Variants in ASIC2 observed in about 807,000 individuals in gnomAD.
The protein encoded by ASIC2 is acid sensing ion channel subunit 2.
Under a neutral mutation model 57.3 loss-of-function variants are expected in ASIC2, and 25 were observed. The observed-to-expected ratio is 0.44, with a 90% confidence interval of 0.32 to 0.61. The LOEUF (loss-of-function observed/expected upper bound fraction) is 0.61, where lower values mean the gene tolerates loss of function less well. Among genes scored for constraint, ASIC2 ranks in the 20% least tolerant of loss-of-function variants. ASIC2 has a pLI of 0.06. For missense variants in ASIC2, 641 were observed against 738.1 expected, an observed-to-expected ratio of 0.87 and a Z score of 1.52; for synonymous variants, 319 against 307.5, an observed-to-expected ratio of 1.04 and a Z score of -0.39.
chr17:33,930,707 G>T (rs938031991), intron 1 of ASIC2, among the ~76,000 whole-genome samples: 1 of 152,198 alleles, frequency 6.6e-6, no homozygotes, highest in South Asian at 2.1e-4. Flanking sequence ...GGGGTGTGTC[G>T]AAGTGAGCTT....
chr17:33,682,190 G>T (rs1276022000), intron 1 of ASIC2, among the ~76,000 whole-genome samples: 1 of 151,392 alleles, frequency 6.6e-6, no homozygotes, highest in African/African-American at 2.4e-5. Context: ...CTCCTGAATA[G>T]CTGGGACTAC....
chr17:33,177,891 A>T (rs1458960602), intron 1 of ASIC2, among the ~76,000 whole-genome samples: 1 of 152,178 alleles, frequency 6.6e-6, no homozygotes, highest in East Asian at 1.9e-4. Flanking sequence ...TCTGGAGACC[A>T]GTCTAGTTCC....
chr17:33,993,044 G>A (rs1240245844), intron 1 of ASIC2, among the ~76,000 whole-genome samples: 1 of 152,156 alleles, frequency 6.6e-6, no homozygotes, highest in Non-Finnish European at 1.5e-5. Flanking sequence ...TTGGATATCA[G>A]TATTTTCTAT....
chr17:33,326,216 C>T (rs1907070927), intron 1 of ASIC2, among the ~76,000 whole-genome samples: 1 of 152,132 alleles, frequency 6.6e-6, no homozygotes, highest in South Asian at 2.1e-4. Flanking sequence ...CAGTAAAACC[C>T]TATGAGGTAA....
intron 1 of ASIC2, among the ~76,000 whole-genome samples, chr17:33,493,415 G>A (rs1913822651): frequency 6.6e-6 from 1 of 152,144 alleles, no homozygotes; most frequent in South Asian, 2.1e-4. Flanking sequence ...CCCTGTCTTG[G>A]ATAACTATAG....
intron 1 of ASIC2, among the ~76,000 whole-genome samples, chr17:33,222,606 A>C (rs1165512656): frequency 6.6e-6 from 1 of 152,200 alleles, no homozygotes; most frequent in Non-Finnish European, 1.5e-5. Context: ...AATTAAGCAG[A>C]GCAATTGAGA....
chr17:33,492,288 T>A (rs1267103670), intron 1 of ASIC2, among the ~76,000 whole-genome samples: 1 of 152,202 alleles, frequency 6.6e-6, no homozygotes, highest in Non-Finnish European at 1.5e-5. Context: ...CAGGCCATGA[T>A]TGTTAAACTG....
chr17:33,684,607 T>A (rs1908122846), intron 1 of ASIC2, among the ~76,000 whole-genome samples: 1 of 152,186 alleles, frequency 6.6e-6, no homozygotes, highest in African/African-American at 2.4e-5. Context: ...TTGCAGAACA[T>A]CATGAAATAT....
chr17:34,134,133 TA>T (rs1912067186), intron 1 of ASIC2, among the ~76,000 whole-genome samples: 1 of 152,230 alleles, frequency 6.6e-6, no homozygotes, highest in South Asian at 2.1e-4. Flanking sequence ...CTGTAATGGT[TA>T]ATGCCCCCTT....
intron 1 of ASIC2, among the ~76,000 whole-genome samples, chr17:33,307,040 T>TA (rs2142200398): frequency 6.6e-6 from 1 of 152,266 alleles, no homozygotes; most frequent in Admixed American, 6.5e-5. Context: ...GGCTAGCTTA[T>TA]AAAGCCCTTC....
intron 1 of ASIC2, among the ~76,000 whole-genome samples, chr17:33,148,078 C>T (rs72819123): frequency 0.011 from 1,738 of 152,312 alleles, 20 homozygotes; most frequent in Non-Finnish European, 0.019. Context: ...AATCAAGCAT[C>T]CCTAAAATGT....
At chr17:34,038,605 A>T (rs1236086204) in intron 1 of ASIC2, 19 of 1,602,110 alleles carry the variant, frequency 1.2e-5, no homozygotes, top group Non-Finnish European at 1.5e-5. Flanking sequence ...TATCTTCATT[A>T]TGTATCCTTT....
chr17:33,089,795 C>G (rs1377831928), intron 2 of ASIC2, among the ~76,000 whole-genome samples: 1 of 152,106 alleles, frequency 6.6e-6, no homozygotes, highest in East Asian at 1.9e-4. Context: ...CTGCAATGGC[C>G]AAGTAGAAGA....
intron 1 of ASIC2, among the ~76,000 whole-genome samples, chr17:33,317,519 C>T (rs1906704416): frequency 6.6e-6 from 1 of 152,156 alleles, no homozygotes; most frequent in African/African-American, 2.4e-5. Context: ...TAAGGGACAC[C>T]CAATGAAAAT....
chr17:34,034,598 T>C (rs1907778652), intron 1 of ASIC2, among the ~76,000 whole-genome samples: 1 of 152,302 alleles, frequency 6.6e-6, no homozygotes, highest in Middle Eastern at 3.4e-3. Flanking sequence ...GACATGATTG[T>C]ATATCTAGAA....
At chr17:33,887,652 G>C (rs1216736882) in intron 1 of ASIC2, among the ~76,000 whole-genome samples, 1 of 152,050 alleles carries the variant, frequency 6.6e-6, no homozygotes, top group East Asian at 1.9e-4. Flanking sequence ...TTTAAGTGTT[G>C]GTGCCTTATG....
intron 1 of ASIC2, among the ~76,000 whole-genome samples, chr17:34,088,437 G>T (rs1226493904): frequency 6.6e-6 from 1 of 152,162 alleles, no homozygotes; most frequent in African/African-American, 2.4e-5. Flanking sequence ...CGTGTGAAGT[G>T]TCAGTCTGCC....
At chr17:33,325,887 T>G (rs376553482) in intron 1 of ASIC2, among the ~76,000 whole-genome samples, 1 of 152,120 alleles carries the variant, frequency 6.6e-6, no homozygotes, top group East Asian at 1.9e-4. Flanking sequence ...TTTTGGCCAG[T>G]GCAGTTGGGG....
At chr17:33,684,072 A>G (rs547541320) in intron 1 of ASIC2, among the ~76,000 whole-genome samples, 1 of 152,348 alleles carries the variant, frequency 6.6e-6, no homozygotes, top group Non-Finnish European at 1.5e-5. Context: ...TTCTTTACAC[A>G]AATCTAGCTA....
Sources: allele counts gnomAD v4.1 joint callset (sites outside exome capture counted in the v4.1 genomes callset), GRCh38; gene constraint gnomAD v4.1.1; transcripts MANE v1.5; gene names NCBI Gene and HGNC (gene_info 2026-07-23, HGNC 2026-07-21).